The following PHLPP1 variants were observed in gnomAD, a reference collection of about 807,000 sequenced individuals.
The protein encoded by PHLPP1 is PH domain and leucine rich repeat protein phosphatase 1, also known as PH domain leucine-rich repeat-containing protein phosphatase 1.
In PHLPP1, 42 loss-of-function variants were observed where a neutral mutation model predicts 117.2. The ratio of observed to expected loss-of-function variants is 0.36; its 90% CI spans 0.28 to 0.46. The LOEUF is 0.46. Among genes scored for constraint, PHLPP1 ranks in the 20% least tolerant of loss-of-function variants. The probability of loss-of-function intolerance (pLI) is 1.00; values close to 1 mark genes in which losing one functional copy is unlikely to be tolerated. For synonymous variants in PHLPP1, 1,042 were observed against 970.7 expected (o/e 1.07, Z -1.37); for missense variants, 2,084 against 2,241.9 (o/e 0.93, Z 1.42).
intron 6 of PHLPP1, among the ~76,000 whole-genome samples, chr18:62,898,777 T>C (rs1916639159): frequency 6.6e-6 from 1 of 151,878 alleles, no homozygotes; most frequent in African/African-American, 2.4e-5. Flanking sequence ...ATCAACTAGT[T>C]TTTTTTATTT....
At chr18:62,836,876 G>A (rs1914919843) in intron 2 of PHLPP1, among the ~76,000 whole-genome samples, 1 of 152,138 alleles carries the variant, frequency 6.6e-6, no homozygotes, top group Non-Finnish European at 1.5e-5. Context: ...AGAATCGCTT[G>A]CAATCGGAAG....
At chr18:62,831,062 G>A (rs1352381571) in intron 2 of PHLPP1, among the ~76,000 whole-genome samples, 2 of 152,020 alleles carry the variant, frequency 1.3e-5, no homozygotes, top group Admixed American at 6.6e-5. Flanking sequence ...GTGATGCAAC[G>A]GATATATTTT....
At chr18:62,747,014 A>G (rs1911695201) in intron 1 of PHLPP1, among the ~76,000 whole-genome samples, 1 of 152,094 alleles carries the variant, frequency 6.6e-6, no homozygotes, top group Admixed American at 6.5e-5. Context: ...GTTTTTCAGC[A>G]TTATTTAAGT....
chr18:62,914,867 AT>A, intron 8 of PHLPP1, 45 bp from the exon 9 acceptor site: 1 of 1,383,500 alleles, frequency 7.2e-7, no homozygotes, highest in Non-Finnish European at 1.0e-6. Context: ...TTAGAACCAC[AT>A]TTGAGGACAA....
intron 1 of PHLPP1, among the ~76,000 whole-genome samples, chr18:62,734,415 G>A (rs1257424480): frequency 2.0e-5 from 3 of 152,134 alleles, no homozygotes; most frequent in Non-Finnish European, 4.4e-5. Context: ...CAACTTATTA[G>A]CTCTTTTATC....
At chr18:62,940,770 G>T (rs185708552) in intron 10 of PHLPP1, among the ~76,000 whole-genome samples, 149 of 152,288 alleles carry the variant, frequency 9.8e-4, no homozygotes, top group Non-Finnish European at 1.8e-3. Context: ...ATACAGAAAA[G>T]AGGCCAGATC....
At position 62,945,100 on chromosome 18, in the gene PHLPP1, T is replaced by G; in HGVS notation, c.3162-9T>G. ...TTCTTTTAAATTGCTTTATTTTCTC[T>G]TTTTTTAGTAAAATGGCGAAACTGG... is the stretch of plus-strand genomic sequence containing the variant. On this transcript the variant is annotated splice_polypyrimidine_tract_variant and intron_variant, in intron 11 of 16. Coordinates refer to ENST00000262719, the MANE Select transcript of PHLPP1 (RefSeq NM_194449.4). 1 of 1,557,742 alleles carries G rather than the reference T, an allele frequency of 6.4e-7. No individual in the cohort carries two copies. The highest frequency in any genetic ancestry group is 2.1e-5 in the Admixed American group (1 of 48,540).
intron 1 of PHLPP1, among the ~76,000 whole-genome samples, chr18:62,732,095 A>G (rs966286472): frequency 2.0e-5 from 3 of 152,216 alleles, no homozygotes; most frequent in African/African-American, 4.8e-5. Context: ...AGATCTCGCT[A>G]AGATCATTGA....
rs149762192 is a variant in PHLPP1 at position 62,889,102 on chromosome 18, A to C, written c.2067-5909A>C. On this transcript the variant is annotated intron_variant, in intron 4 of 16. Transcript: ENST00000262719. ...GGCTAAGGGTTAGTTACCACAACAG[A>C]TGTGTTTTAATGTTGGTTGATACGT... is the stretch of plus-strand genomic sequence containing the variant. Among the ~76,000 whole-genome samples the C allele has an allele frequency of 1.2e-4, 18 of 152,308 alleles. No homozygotes were observed. The East Asian group carries it at 3.1e-3, about 26-fold the overall frequency.
At chr18:62,863,153 A>G (rs913840102) in intron 4 of PHLPP1, among the ~76,000 whole-genome samples, 6 of 151,376 alleles carry the variant, frequency 4.0e-5, no homozygotes, top group Non-Finnish European at 7.4e-5. Flanking sequence ...CTGGTTGGCT[A>G]CTTTTATGGT....
chr18:62,960,813 C>CAT (rs1910746630), intron 13 of PHLPP1, among the ~76,000 whole-genome samples: 1 of 152,174 alleles, frequency 6.6e-6, no homozygotes, highest in African/African-American at 2.4e-5. Context: ...AGCAAAAAAT[C>CAT]ATAATACTCT....
intron 10 of PHLPP1, among the ~76,000 whole-genome samples, chr18:62,934,022 T>C (rs887243396): frequency 6.6e-6 from 1 of 152,208 alleles, no homozygotes; most frequent in African/African-American, 2.4e-5. Flanking sequence ...ACAGCCATAA[T>C]GAGATACCAT....
chr18:62,965,737 A>G (rs1185242787), intron 14 of PHLPP1, among the ~76,000 whole-genome samples: 1 of 151,156 alleles, frequency 6.6e-6, no homozygotes, highest in Non-Finnish European at 1.5e-5. Context: ...GGGATTACAG[A>G]TGTGAGCCAC....
intron 4 of PHLPP1, among the ~76,000 whole-genome samples, chr18:62,884,452 T>C (rs1398597087): frequency 6.6e-6 from 1 of 152,170 alleles, no homozygotes; most frequent in Non-Finnish European, 1.5e-5. Flanking sequence ...TAAAAGAAAA[T>C]ACAGTGAGTC....
At chr18:62,888,331 G>A (rs868390490) in intron 4 of PHLPP1, among the ~76,000 whole-genome samples, 138 of 123,704 alleles carry the variant, frequency 1.1e-3, no homozygotes, top group East Asian at 1.1e-3. Flanking sequence ...GTGTGTGTGT[G>A]TGTATGTTTT....
intron 1 of PHLPP1, among the ~76,000 whole-genome samples, chr18:62,728,062 G>A (rs1006577588): frequency 6.6e-6 from 1 of 152,040 alleles, no homozygotes; most frequent in Non-Finnish European, 1.5e-5. Context: ...TGAGGCAGGC[G>A]GGCGGGCAGA....
At chr18:62,820,168 C>T (rs1345210571) in intron 1 of PHLPP1, among the ~76,000 whole-genome samples, 3 of 152,110 alleles carry the variant, frequency 2.0e-5, no homozygotes, top group Non-Finnish European at 4.4e-5. Flanking sequence ...AATGTTTATG[C>T]ACCTAAATAG....
At chr18:62,860,687 A>G in intron 4 of PHLPP1, 86 bp downstream of exon 4, 1 of 1,116,270 alleles carries the variant, frequency 9.0e-7, no homozygotes, top group Non-Finnish European at 1.3e-6. Flanking sequence ...ATTCTCATGA[A>G]AAAAGCTAGT....
intron 6 of PHLPP1, among the ~76,000 whole-genome samples, chr18:62,896,642 C>T (rs929300234): frequency 3.9e-5 from 6 of 152,026 alleles, no homozygotes; most frequent in Admixed American, 1.3e-4. Flanking sequence ...CTCTCTTGCC[C>T]GGCCTGGAGT....
Sources: gnomAD v4.1 joint callset for allele counts (sites outside exome capture counted in the v4.1 genomes callset) on GRCh38, gnomAD v4.1.1 for gene constraint, MANE v1.5 for transcripts, NCBI Gene and HGNC (gene_info 2026-07-23, HGNC 2026-07-21) for gene names.